TMEM45B: variants seen among roughly 807,000 people sequenced by gnomAD.
TMEM45B encodes the protein transmembrane protein 45B.
Under a neutral mutation model 27.3 loss-of-function variants are expected in TMEM45B, and 29 were observed. The observed-to-expected ratio is 1.06, with a 90% CI of 0.79 to 1.45. The LOEUF is 1.45. Among genes scored for constraint, TMEM45B ranks in the 40% most tolerant of loss-of-function variants. The pLI is 0.00. For missense variants in TMEM45B, 348 were observed against 343.9 expected, an observed-to-expected ratio of 1.01 and a Z score of -0.09; for synonymous variants, 143 against 134.7, an observed-to-expected ratio of 1.06 and a Z score of -0.43.
chr11:129,817,154 G>C (rs1434646034), intron 1 of TMEM45B, among the ~76,000 whole-genome samples: 3 of 152,064 alleles, frequency 2.0e-5, no homozygotes, highest in Non-Finnish European at 4.4e-5. Flanking sequence ...TTCCAAACAG[G>C]CCTGCCTACA....
At chr11:129,833,643 C>T (rs1396015717) in intron 1 of TMEM45B, among the ~76,000 whole-genome samples, 1 of 152,074 alleles carries the variant, frequency 6.6e-6, no homozygotes, top group East Asian at 1.9e-4. Context: ...GGCATGGTGG[C>T]GGACACCTGT....
At chr11:129,824,822 G>A (rs1171516540) in intron 1 of TMEM45B, among the ~76,000 whole-genome samples, 3 of 152,196 alleles carry the variant, frequency 2.0e-5, no homozygotes, top group East Asian at 3.9e-4. Context: ...GAGGTGAGGC[G>A]CTTAGCCCAG....
chr11:129,852,223 C>T (rs1947857139), intron 1 of TMEM45B, among the ~76,000 whole-genome samples: 1 of 151,190 alleles, frequency 6.6e-6, no homozygotes, highest in Non-Finnish European at 1.5e-5. Context: ...CCTCCTCTTT[C>T]CCCACCCTCA....
At chr11:129,835,748 G>A (rs1446754417) in intron 1 of TMEM45B, among the ~76,000 whole-genome samples, 2 of 152,156 alleles carry the variant, frequency 1.3e-5, no homozygotes, top group Admixed American at 6.5e-5. Flanking sequence ...GAGGAATCAG[G>A]GTGATGGCCC....
At position 129,852,478 on chromosome 11, in the gene TMEM45B, T is replaced by A; in HGVS notation, c.-5T>A. The A allele has an allele frequency of 6.3e-7, 1 of 1,588,262 alleles. No homozygotes were observed. Among genetic ancestry groups the A allele is most frequent in the Non-Finnish European group, 8.6e-7 (1 of 1,159,972 alleles). On this transcript the variant is annotated 5_prime_UTR_variant, in exon 2 of 6. Coordinates refer to ENST00000281441, the MANE Select transcript of TMEM45B (RefSeq NM_138788.5). ...CAGCCTTCCCCTAATTTTTTAGGTG[T>A]CCTGATGGCAAATTTCAAGGGCCAC...
intron 1 of TMEM45B, among the ~76,000 whole-genome samples, chr11:129,822,201 A>T (rs574345828): frequency 6.6e-6 from 1 of 152,236 alleles, no homozygotes; most frequent in African/African-American, 2.4e-5. Context: ...AATGGTTTTT[A>T]CAGTATCCTG....
rs1441239885 is a variant in TMEM45B, at chr11:129,859,161, C to G, written c.*476C>G. On this transcript the variant is annotated 3_prime_UTR_variant, in exon 6 of 6. Coordinates refer to ENST00000281441, the MANE Select transcript of TMEM45B (RefSeq NM_138788.5). ...CGACAGTGCCTTTAGAATTACAATTCTAACTTACATATTTTTTGAAAGTAA... is the reference window on the plus strand; with the variant it reads ...CGACAGTGCCTTTAGAATTACAATTGTAACTTACATATTTTTTGAAAGTAA... 6.6e-6 allele frequency: 1 copy of G among 152,216 alleles called. No homozygotes were observed. Among genetic ancestry groups the G allele is most frequent in the East Asian group, 1.9e-4 (1 of 5,190 alleles). 9.4% of individuals were successfully genotyped at this position (152,216 alleles called of 1,614,324 possible).
intron 1 of TMEM45B, among the ~76,000 whole-genome samples, chr11:129,849,545 G>A (rs979114804): frequency 6.6e-6 from 1 of 152,164 alleles, no homozygotes; most frequent in Non-Finnish European, 1.5e-5. Context: ...TCTCTGCTCG[G>A]GCCCTGAGGT....
rs539998385 is a variant in TMEM45B, at chr11:129,854,470, A to G, written c.179-140A>G. On this transcript the variant is annotated intron_variant, in intron 2 of 5. Coordinates refer to ENST00000281441, the MANE Select transcript of TMEM45B (RefSeq NM_138788.5). Reference sequence around the variant, plus strand: ...ATACTGAAGCAGCTGCACCTGAGGCAGCAAAGTAGCTCTGCTGACCCGCGG... The same window carrying G: ...ATACTGAAGCAGCTGCACCTGAGGCGGCAAAGTAGCTCTGCTGACCCGCGG... 8.2e-6 allele frequency: 6 copies of G among 728,438 alleles called. No individual in the cohort carries two copies. The South Asian group carries it at 1.0e-4, about 13-fold the overall frequency. The allele number at this position is 728,438 out of a possible 1,614,324, so 45.1% of individuals were successfully genotyped here.
intron 1 of TMEM45B, among the ~76,000 whole-genome samples, chr11:129,837,585 C>CTTATTTTTTTTTTTT (rs1947636930): frequency 1.2e-5 from 1 of 80,294 alleles, no homozygotes; most frequent in Non-Finnish European, 2.5e-5. Flanking sequence ...CTGCACTGGG[C>CTTATTTTTTTTTTTT]TTTTTTTTTT....
chr11:129,845,615 C>CA (rs972036323), intron 1 of TMEM45B, among the ~76,000 whole-genome samples: 31 of 151,758 alleles, frequency 2.0e-4, no homozygotes, highest in Middle Eastern at 3.4e-3. Flanking sequence ...CACGGAGGAA[C>CA]AAAAAAATGC....
intron 1 of TMEM45B, among the ~76,000 whole-genome samples, chr11:129,827,673 C>T (rs1307316268): frequency 1.3e-5 from 2 of 152,028 alleles, no homozygotes; most frequent in Admixed American, 6.6e-5. Flanking sequence ...CGTGGTGGTG[C>T]GTGCCTGTAA....
chr11:129,830,616 T>C (rs1947536394), intron 1 of TMEM45B, among the ~76,000 whole-genome samples: 1 of 152,200 alleles, frequency 6.6e-6, no homozygotes, highest in East Asian at 1.9e-4. Context: ...AATAAAGAAC[T>C]ATTACAACTC....
rs552690003 is a variant in TMEM45B, at chr11:129,826,823, T to A, written c.-9+10925T>A. Among the ~76,000 whole-genome samples, 25 of 151,132 alleles carry A rather than the reference T, an allele frequency of 1.7e-4. No individual in the cohort carries two copies. The South Asian group carries it at 5.1e-3, about 31-fold the overall frequency. ...CCTGGGTTCACGCCATTCTCCTGCC[T>A]CAGCCTCCCGAGTAGCTGGGACTAC... On this transcript the variant is annotated intron_variant, in intron 1 of 5. Coordinates refer to ENST00000281441, the MANE Select transcript of TMEM45B (RefSeq NM_138788.5).
At chr11:129,826,740 A>C (rs901171037) in intron 1 of TMEM45B, among the ~76,000 whole-genome samples, 12 of 146,162 alleles carry the variant, frequency 8.2e-5, no homozygotes, top group Admixed American at 3.4e-4. Flanking sequence ...CGGAGTCTCG[A>C]TCTGTCACCC....
At chr11:129,853,572 C>T (rs537124977) in intron 2 of TMEM45B, among the ~76,000 whole-genome samples, 2 of 152,280 alleles carry the variant, frequency 1.3e-5, no homozygotes, top group African/African-American at 2.4e-5. Context: ...CTAAATAAAG[C>T]TAGGACAATT....
At chr11:129,845,161 TATG>T (rs1947741723) in intron 1 of TMEM45B, among the ~76,000 whole-genome samples, 1 of 152,176 alleles carries the variant, frequency 6.6e-6, no homozygotes, top group Non-Finnish European at 1.5e-5. Context: ...CAAACATAAA[TATG>T]ATATGTACAT....
At chr11:129,821,251 C>T (rs571358083) in intron 1 of TMEM45B, among the ~76,000 whole-genome samples, 17 of 152,154 alleles carry the variant, frequency 1.1e-4, no homozygotes, top group South Asian at 8.3e-4. Flanking sequence ...GCCAAGGAAA[C>T]TCATGGGGGC....
intron 1 of TMEM45B, among the ~76,000 whole-genome samples, chr11:129,840,197 T>C (rs928947762): frequency 6.6e-6 from 1 of 152,236 alleles, no homozygotes; most frequent in South Asian, 2.1e-4. Flanking sequence ...GGAAGAAATA[T>C]AGCCCATCCC....
Sources: gnomAD v4.1 joint callset for allele counts (sites outside exome capture counted in the v4.1 genomes callset) on GRCh38, gnomAD v4.1.1 for gene constraint, MANE v1.5 for transcripts, NCBI Gene and HGNC (gene_info 2026-07-23, HGNC 2026-07-21) for gene names.